PSMB7: variants seen among roughly 807,000 people sequenced by gnomAD.
PSMB7 encodes the protein proteasome subunit beta type-7.
A neutral mutation model predicts 28.1 loss-of-function variants in PSMB7; 5 were observed. The observed-to-expected ratio is 0.18, with a 90% CI of 0.09 to 0.37. PSMB7 has a LOEUF of 0.37. Ranked by LOEUF, PSMB7 falls within the 10% of genes least tolerant of loss-of-function variation. The pLI is 1.00. For missense variants in PSMB7, 275 were observed against 346.2 expected (o/e 0.79, Z 1.63); for synonymous variants, 122 against 123.7 (o/e 0.99, Z 0.09).
Position 124,384,352 on chromosome 9 carries a change from TAG to T in PSMB7, c.570+244_570+245del, listed in dbSNP as rs1218874224. ...CCGCATTTACAGTCAAGAAGATTCC[TAG>T]ACAGCCCAAAGCCCAGAGCAAAAAG... On this transcript the variant is annotated intron_variant, in intron 6 of 7. Coordinates refer to ENST00000259457, the MANE Select transcript of PSMB7 (RefSeq NM_002799.4). 9.1e-6 allele frequency: 4 copies of T among 441,300 alleles called. No homozygotes were observed. In the East Asian group the frequency reaches 1.4e-4, roughly 15 times the overall value. The allele number at this position is 441,300 out of a possible 1,614,324, so 27.3% of individuals were successfully genotyped here. A position where few individuals can be genotyped will look rare whatever the true frequency, so the allele number is the denominator to read the frequency against.
At chr9:124,407,047 T>G (rs1352821301) in intron 4 of PSMB7, among the ~76,000 whole-genome samples, 1 of 152,174 alleles carries the variant, frequency 6.6e-6, no homozygotes, top group East Asian at 1.9e-4. Context: ...CAACATAAAT[T>G]GCTCTCAATT....
intron 5 of PSMB7, among the ~76,000 whole-genome samples, chr9:124,403,005 C>A (rs1202733546): frequency 6.6e-6 from 1 of 152,160 alleles, no homozygotes; most frequent in African/African-American, 2.4e-5. Context: ...AAGTCTCAAA[C>A]TGGCAATTTC....
At position 124,415,284 on chromosome 9, in the gene PSMB7, C is replaced by G. The variant is rs74789535; in HGVS notation, c.62+80G>C. 8.1e-4 allele frequency: 1,146 copies of G among 1,415,376 alleles called. 17 individuals are homozygous for G. In the East Asian group the frequency reaches 0.021, roughly 26 times the overall value. 87.7% of individuals were successfully genotyped at this position (1,415,376 alleles called of 1,614,324 possible). ...CCATGAATTCTTCCCTCAGAATTCT[C>G]GTATCACACCTTGGCCCAGCTCCCA... is the stretch of plus-strand genomic sequence containing the variant. On this transcript the variant is annotated intron_variant, in intron 1 of 7. Transcript: ENST00000259457.
Position 124,413,878 on chromosome 9 carries a change from T to C in PSMB7, c.254+30A>G. 5.5e-6 allele frequency: 8 copies of C among 1,462,330 alleles called. No homozygotes were observed. The Admixed American group carries it at 6.9e-5, about 13-fold the overall frequency. 90.6% of individuals were successfully genotyped at this position (1,462,330 alleles called of 1,614,324 possible). ...TTTAGCCCTGACATGTTTGAAAATA[T>C]AAGAGTTATTCAAACGAATCAATAC... On this transcript the variant is annotated intron_variant, in intron 3 of 7. Transcript: ENST00000259457.
chr9:124,390,384 C>G (rs909930113), intron 5 of PSMB7, among the ~76,000 whole-genome samples: 5 of 151,406 alleles, frequency 3.3e-5, no homozygotes, highest in African/African-American at 9.7e-5. Context: ...ACCCAAGTCA[C>G]GTATCTTAAA....
intron 5 of PSMB7, among the ~76,000 whole-genome samples, chr9:124,395,202 A>C (rs1392789622): frequency 6.6e-6 from 1 of 152,200 alleles, no homozygotes; most frequent in Non-Finnish European, 1.5e-5. Flanking sequence ...ATATGAACCC[A>C]GGCTAAGCAT....
intron 6 of PSMB7, among the ~76,000 whole-genome samples, chr9:124,367,845 CT>C (rs1245180594): frequency 6.6e-6 from 1 of 152,160 alleles, no homozygotes; most frequent in Non-Finnish European, 1.5e-5. Flanking sequence ...TCACCTGATC[CT>C]ACCCATCTCC....
intron 5 of PSMB7, among the ~76,000 whole-genome samples, chr9:124,400,138 A>G (rs1019995623): frequency 1.3e-5 from 2 of 152,132 alleles, no homozygotes; most frequent in African/African-American, 2.4e-5. Flanking sequence ...GCACCCATGC[A>G]GCAAACTCTG....
rs1830975003 is a variant in PSMB7 at position 124,407,216 on chromosome 9, T to C, written c.396-1784A>G. ...AACATGAGAACCAAAGTCATAACTT[T>C]AGACTGTCTGAGACATGGCCACACA... On this transcript the variant is annotated intron_variant, in intron 4 of 7. Transcript: ENST00000259457. Among the ~76,000 whole-genome samples the C allele has an allele frequency of 2.0e-5, 3 of 152,214 alleles. No homozygotes were observed. In the South Asian group the frequency reaches 6.2e-4, roughly 31 times the overall value.
At chr9:124,371,514 T>C (rs1482813567) in intron 6 of PSMB7, among the ~76,000 whole-genome samples, 1 of 152,240 alleles carries the variant, frequency 6.6e-6, no homozygotes, top group Non-Finnish European at 1.5e-5. Flanking sequence ...AATAGAATTC[T>C]AAAATGAAAT....
rs1000344738 is a variant in PSMB7 at position 124,356,875 on chromosome 9, G to A, written c.611C>T (p.Ala204Val). Residue 204 changes from alanine (A) to valine (V), a missense_variant, in exon 7 of 8, where the codon GCT becomes GTT. By Grantham distance (64) the Ala-to-Val change is moderately conservative. Transcript: ENST00000259457. The surrounding 1 kb of genome is among the most constrained non-coding windows in gnomAD (Gnocchi z 4.4). ...GGAGCCCAGGTCGTTGAAGATGCCAGCTGCGATGGCTTCGCTCACCAGATT... is the reference window on the plus strand; with the variant it reads ...GGAGCCCAGGTCGTTGAAGATGCCAACTGCGATGGCTTCGCTCACCAGATT... ...AKNLVSEAIA[A>V]GIFNDLGSGS... 2.5e-6 allele frequency: 4 copies of A among 1,614,090 alleles called. No individual in the cohort carries two copies.
intron 6 of PSMB7, among the ~76,000 whole-genome samples, chr9:124,369,927 A>G (rs1830545155): frequency 6.6e-6 from 1 of 152,130 alleles, no homozygotes; most frequent in Non-Finnish European, 1.5e-5. Context: ...TTTTCATGAC[A>G]TAGTCCCTGC....
At chr9:124,360,291 G>C (rs1395621087) in intron 6 of PSMB7, among the ~76,000 whole-genome samples, 1 of 152,254 alleles carries the variant, frequency 6.6e-6, no homozygotes, top group Non-Finnish European at 1.5e-5. Flanking sequence ...CCCACAATAA[G>C]CGCAAGAAGC....
At chr9:124,389,605 G>T (rs546619152) in intron 5 of PSMB7, among the ~76,000 whole-genome samples, 3 of 152,048 alleles carry the variant, frequency 2.0e-5, no homozygotes, top group Non-Finnish European at 1.5e-5. Context: ...GCTGTGGAGA[G>T]ACAGGGAGGC....
At chr9:124,388,028 T>C (rs1830743912) in intron 5 of PSMB7, among the ~76,000 whole-genome samples, 1 of 152,218 alleles carries the variant, frequency 6.6e-6, no homozygotes, top group African/African-American at 2.4e-5. Context: ...ACAGCCACCA[T>C]GTGACCTGTA....
intron 5 of PSMB7, among the ~76,000 whole-genome samples, chr9:124,400,125 G>A (rs1051966967): frequency 6.6e-6 from 1 of 152,066 alleles, no homozygotes; most frequent in African/African-American, 2.4e-5. Context: ...CACTGCTCCT[G>A]CCGCACCCAT....
intron 5 of PSMB7, among the ~76,000 whole-genome samples, chr9:124,397,325 G>A (rs954415745): frequency 1.1e-4 from 16 of 152,246 alleles, no homozygotes; most frequent in Admixed American, 9.2e-4. Flanking sequence ...AAGGTTTTAG[G>A]GCAGAAACTG....
At chr9:124,381,863 AT>A (rs1156650258) in intron 6 of PSMB7, among the ~76,000 whole-genome samples, 6 of 152,166 alleles carry the variant, frequency 3.9e-5, no homozygotes, top group Non-Finnish European at 8.8e-5. Flanking sequence ...ATCTCTTTAG[AT>A]TTTTAAACAA....
intron 6 of PSMB7, among the ~76,000 whole-genome samples, chr9:124,358,552 AG>A (rs1363104109): frequency 6.6e-6 from 1 of 152,228 alleles, no homozygotes; most frequent in Non-Finnish European, 1.5e-5. Flanking sequence ...AAACCAGTGA[AG>A]GTGGCAGCAA....
Sources: gnomAD v4.1 joint callset for allele counts (sites outside exome capture counted in the v4.1 genomes callset) on GRCh38, gnomAD v4.1.1 for gene constraint, Gnocchi (gnomAD v3.1) non-coding constraint, MANE v1.5 for transcripts, NCBI Gene and HGNC (gene_info 2026-07-23, HGNC 2026-07-21) for gene names.